CNTN3: variants seen among roughly 807,000 people sequenced by gnomAD.
CNTN3 encodes contactin 3, also known as contactin-3.
CNTN3 carries 60 observed loss-of-function variants against 119.1 expected under a neutral mutation model. That is an observed-to-expected ratio of 0.50 (90% CI 0.41 to 0.62). The LOEUF is 0.62. CNTN3 is among the 20% of genes least tolerant of loss of function. The pLI, the probability that CNTN3 is intolerant of heterozygous loss-of-function variation, is 0.00. For missense variants in CNTN3, 1,101 were observed against 1,242.4 expected, an observed-to-expected ratio of 0.89 and a Z score of 1.71; for synonymous variants, 450 against 438.7, an observed-to-expected ratio of 1.03 and a Z score of -0.32.
chr3:74,391,330 T>C (rs1480609322), intron 5 of CNTN3, among the ~76,000 whole-genome samples: 1 of 152,204 alleles, frequency 6.6e-6, no homozygotes, highest in Non-Finnish European at 1.5e-5. Flanking sequence ...GTATAGGAAG[T>C]AGTGCTCAGG....
chr3:74,523,381 T>G (rs1198422068), intron 1 of CNTN3, among the ~76,000 whole-genome samples: 1 of 151,846 alleles, frequency 6.6e-6, no homozygotes, highest in Non-Finnish European at 1.5e-5. Context: ...ATAAAAGGCA[T>G]GTGAAACATG....
intron 11 of CNTN3, among the ~76,000 whole-genome samples, chr3:74,348,885 C>A (rs530763330): frequency 6.6e-6 from 1 of 151,854 alleles, no homozygotes; most frequent in East Asian, 1.9e-4. Context: ...AGTTTGAGAC[C>A]AGCCTGGGCA....
chr3:74,592,420 TAAA>T (rs201019442), intron 1 of CNTN3, among the ~76,000 whole-genome samples: 1 of 151,382 alleles, frequency 6.6e-6, no homozygotes, highest in Admixed American at 6.6e-5. Flanking sequence ...CAAGAATTGT[TAAA>T]AAAAATACGC....
chr3:74,392,379 TTTCCCTC>T (rs1704934570), intron 5 of CNTN3, among the ~76,000 whole-genome samples: 1 of 152,178 alleles, frequency 6.6e-6, no homozygotes, highest in Non-Finnish European at 1.5e-5. Flanking sequence ...TGTCTTTCCT[TTTCCCTC>T]CCTCCCTCCC....
intron 11 of CNTN3, among the ~76,000 whole-genome samples, chr3:74,351,738 TGGTGGAGGGTAGGGTATTAGAGAGAGGA>T (rs1703820479): frequency 6.6e-6 from 1 of 152,088 alleles, no homozygotes; most frequent in Admixed American, 6.6e-5. Context: ...TATATGCTGG[TGGTGGAGGGTAGGGTATTAGAGAGAGGA>T]GGTGATTATC....
At chr3:74,411,283 T>G (rs180743994) in intron 5 of CNTN3, among the ~76,000 whole-genome samples, 1 of 152,116 alleles carries the variant, frequency 6.6e-6, no homozygotes, top group Non-Finnish European at 1.5e-5. Flanking sequence ...AGCTGCCCCC[T>G]TGAGTATTTT....
intron 2 of CNTN3, among the ~76,000 whole-genome samples, chr3:74,509,501 T>G (rs1703326202): frequency 6.6e-6 from 1 of 152,132 alleles, no homozygotes; most frequent in Non-Finnish European, 1.5e-5. Flanking sequence ...TTTCGCCATG[T>G]TGGCCAGGCT....
At chr3:74,313,784 T>A (rs897781798) in intron 13 of CNTN3, among the ~76,000 whole-genome samples, 10 of 152,126 alleles carry the variant, frequency 6.6e-5, no homozygotes, top group Admixed American at 2.0e-4. Flanking sequence ...AGAGAATAGA[T>A]GATACATGTT....
chr3:74,391,742 C>T (rs1474745149), intron 5 of CNTN3, among the ~76,000 whole-genome samples: 2 of 151,988 alleles, frequency 1.3e-5, no homozygotes, highest in Admixed American at 1.3e-4. Flanking sequence ...ACTATAACCT[C>T]CACCTCCGGG....
intron 4 of CNTN3, among the ~76,000 whole-genome samples, chr3:74,474,451 A>G (rs1225065322): frequency 6.6e-6 from 1 of 152,122 alleles, no homozygotes; most frequent in Non-Finnish European, 1.5e-5. Context: ...TAAATTTAGG[A>G]GTAATAAAAT....
intron 1 of CNTN3, among the ~76,000 whole-genome samples, chr3:74,527,748 C>T (rs115848684): frequency 3.9e-5 from 6 of 152,016 alleles, no homozygotes; most frequent in African/African-American, 7.2e-5. Flanking sequence ...GCCAATTCCA[C>T]GTCACACTGC....
At position 74,371,137 on chromosome 3, in the gene CNTN3, T is replaced by A. The variant is rs185257060; in HGVS notation, c.658+59A>T. 2.5e-4 allele frequency: 317 copies of A among 1,285,344 alleles called. 2 individuals are homozygous for A. In the African/African-American group the frequency reaches 4.4e-3, roughly 18 times the overall value. 79.6% of individuals were successfully genotyped at this position (1,285,344 alleles called of 1,614,324 possible). A position where few individuals can be genotyped will look rare whatever the true frequency, so the allele number is the denominator to read the frequency against. ...TACTTTTTACATTTTCCCAATTGCTTTTGTTTGCAGCCTCAGCACCATTTA... is the reference window on the plus strand; with the variant it reads ...TACTTTTTACATTTTCCCAATTGCTATTGTTTGCAGCCTCAGCACCATTTA... On this transcript the variant is annotated intron_variant, in intron 6 of 22. Transcript: ENST00000263665.
intron 1 of CNTN3, among the ~76,000 whole-genome samples, chr3:74,606,042 C>CA (rs1182762789): frequency 3.3e-5 from 5 of 151,664 alleles, no homozygotes; most frequent in Admixed American, 2.0e-4. Flanking sequence ...CCTCTCCCCT[C>CA]AAAAAAAAGT....
intron 1 of CNTN3, among the ~76,000 whole-genome samples, chr3:74,576,227 A>T (rs2106659622): frequency 6.6e-6 from 1 of 152,320 alleles, no homozygotes; most frequent in Non-Finnish European, 1.5e-5. Context: ...ATACATTAGG[A>T]ACATCACACA....
intron 11 of CNTN3, among the ~76,000 whole-genome samples, chr3:74,359,768 A>T (rs1361866506): frequency 6.6e-6 from 1 of 152,208 alleles, no homozygotes; most frequent in Non-Finnish European, 1.5e-5. Context: ...AAGTTGATTT[A>T]GCATTGTACA....
At chr3:74,276,420 T>C (rs562192145) in intron 20 of CNTN3, among the ~76,000 whole-genome samples, 2 of 152,082 alleles carry the variant, frequency 1.3e-5, no homozygotes, top group East Asian at 1.9e-4. Flanking sequence ...TTTTAAAAAA[T>C]TGAAATTATA....
intron 5 of CNTN3, among the ~76,000 whole-genome samples, chr3:74,403,123 T>C (rs1451297960): frequency 1.3e-5 from 2 of 152,074 alleles, no homozygotes; most frequent in African/African-American, 2.4e-5. Context: ...GGGAGTAATG[T>C]GATTGAATTT....
intron 1 of CNTN3, among the ~76,000 whole-genome samples, chr3:74,587,213 A>C (rs1449779364): frequency 1.3e-5 from 2 of 152,062 alleles, no homozygotes; most frequent in African/African-American, 4.8e-5. Flanking sequence ...GATAGATACA[A>C]AGGAAGCCCA....
chr3:74,323,234 T>G lies in CNTN3; in HGVS notation c.1668+11501A>C, dbSNP rs189281212. 6.1e-3 allele frequency among the ~76,000 whole-genome samples: 934 copies of G among 152,210 alleles called. 4 individuals carry two copies. Among genetic ancestry groups the G allele is most frequent in the African/African-American group, 0.022 (898 of 41,526 alleles). Reference sequence around the variant, plus strand: ...CTGATAGTTGAGGAGGGTGTGTGTGTGGGAGGATGGGGGCACATGGGTACT... The same window carrying G: ...CTGATAGTTGAGGAGGGTGTGTGTGGGGGAGGATGGGGGCACATGGGTACT... On this transcript the variant is annotated intron_variant, in intron 13 of 22. Transcript: ENST00000263665.
Sources: gnomAD v4.1 joint callset for allele counts (sites outside exome capture counted in the v4.1 genomes callset) on GRCh38, gnomAD v4.1.1 for gene constraint, MANE v1.5 for transcripts, NCBI Gene and HGNC (gene_info 2026-07-23, HGNC 2026-07-21) for gene names.